Variants in UBE3A observed in about 807,000 individuals in gnomAD.
The protein encoded by UBE3A is ubiquitin protein ligase E3A.
In UBE3A, 6 loss-of-function variants were observed where a neutral mutation model predicts 83.4. The observed-to-expected ratio is 0.07, with a 90% CI of 0.04 to 0.14. The LOEUF (loss-of-function observed/expected upper bound fraction) is 0.14. Among genes scored for constraint, UBE3A ranks in the 10% least tolerant of loss-of-function variants. The pLI, the probability that UBE3A is intolerant of heterozygous loss-of-function variation, is 1.00. For synonymous variants in UBE3A, 337 were observed against 355.4 expected (o/e 0.95, Z 0.58); for missense variants, 456 against 1,036.1 (o/e 0.44, Z 7.69).
chr15:25,376,512 T>G (rs937815527), intron 4 of UBE3A, among the ~76,000 whole-genome samples: 1 of 151,926 alleles, frequency 6.6e-6, no homozygotes, highest in African/African-American at 2.4e-5. Context: ...TAGCCAAGTG[T>G]GGTGGCATGC....
intron 1 of UBE3A, among the ~76,000 whole-genome samples, chr15:25,424,157 A>G (rs2153164288): frequency 6.6e-6 from 1 of 152,218 alleles, no homozygotes; most frequent in African/African-American, 2.4e-5. Context: ...TTATGATCAA[A>G]ATATCTGTAC....
At chr15:25,419,822 T>C (rs992142048) in intron 1 of UBE3A, among the ~76,000 whole-genome samples, 1 of 152,006 alleles carries the variant, frequency 6.6e-6, no homozygotes, top group African/African-American at 2.4e-5. Flanking sequence ...AGGAATAATA[T>C]TTTTGAAGGT....
intron 2 of UBE3A, among the ~76,000 whole-genome samples, chr15:25,411,350 G>T (rs984538588): frequency 6.6e-6 from 1 of 152,246 alleles, no homozygotes; most frequent in African/African-American, 2.4e-5. Flanking sequence ...AGCACTTTGG[G>T]AGGCCAAGGC....
In UBE3A at chr15:25,398,816, A is replaced by ATATATATATATAT. The variant is rs1567069211; in HGVS notation, c.62+6644_62+6645insATATATATATATA. On this transcript the variant is annotated intron_variant, in intron 4 of 12. Coordinates refer to ENST00000648336, the MANE Select transcript of UBE3A (RefSeq NM_130839.5). ...ATATATATATATATATATATATATA[A>ATATATATATATAT]AAATACATATATATCCAAGTGTGAC... 8.2e-3 allele frequency among the ~76,000 whole-genome samples: 331 copies of ATATATATATATAT among 40,580 alleles called. 13 individuals carry two copies. The highest frequency in any genetic ancestry group is 0.014 in the South Asian group (11 of 784). 26.6% of individuals were successfully genotyped at this position (40,580 alleles called of 152,430 possible).
chr15:25,402,676 C>T (rs922579162), intron 4 of UBE3A, among the ~76,000 whole-genome samples: 8 of 152,196 alleles, frequency 5.3e-5, no homozygotes, highest in Non-Finnish European at 7.3e-5. Flanking sequence ...GTACACTTCC[C>T]CTCCTTCCCC....
intron 1 of UBE3A, among the ~76,000 whole-genome samples, chr15:25,414,515 T>C (rs1265159625): frequency 1.3e-5 from 2 of 152,154 alleles, no homozygotes; most frequent in African/African-American, 2.4e-5. Flanking sequence ...AGTTGTGTAC[T>C]GTAATAAAAA....
chr15:25,339,103 T>C lies in UBE3A; in HGVS notation c.*34A>G. On this transcript the variant is annotated 3_prime_UTR_variant, in exon 13 of 13. Coordinates refer to ENST00000648336, the MANE Select transcript of UBE3A (RefSeq NM_130839.5). ...TTTAAATTTTTTCTTTTTTTTTCCT[T>C]CCTTTTTTTTGTTTTATTTTGTTTT... is the stretch of plus-strand genomic sequence containing the variant. 1 of 1,472,240 alleles carries C rather than the reference T, an allele frequency of 6.8e-7. No homozygotes were observed. Among genetic ancestry groups the C allele is most frequent in the South Asian group, 1.3e-5 (1 of 74,604 alleles). 91.2% of individuals were successfully genotyped at this position (1,472,240 alleles called of 1,614,324 possible).
chr15:25,377,865 C>T (rs1274845340), intron 4 of UBE3A, among the ~76,000 whole-genome samples: 1 of 152,178 alleles, frequency 6.6e-6, no homozygotes, highest in Non-Finnish European at 1.5e-5. Context: ...ACTGCCTAGT[C>T]TTCCTGATAT....
At chr15:25,396,821 A>C (rs2085687276) in intron 4 of UBE3A, among the ~76,000 whole-genome samples, 1 of 152,178 alleles carries the variant, frequency 6.6e-6, no homozygotes, top group Non-Finnish European at 1.5e-5. Flanking sequence ...ACATCCTAGG[A>C]AATTGGCAAC....
At chr15:25,372,945 T>C (rs774024997) in intron 5 of UBE3A, among the ~76,000 whole-genome samples, 4 of 152,190 alleles carry the variant, frequency 2.6e-5, no homozygotes, top group African/African-American at 7.2e-5. Flanking sequence ...TAAGTGATCA[T>C]TGAATGGTCT....
At chr15:25,430,858 C>G (rs958516572) in intron 1 of UBE3A, among the ~76,000 whole-genome samples, 11 of 152,112 alleles carry the variant, frequency 7.2e-5, no homozygotes, top group African/African-American at 2.7e-4. Flanking sequence ...TAAATTCACT[C>G]CCCCAGCCTT....
intron 4 of UBE3A, among the ~76,000 whole-genome samples, chr15:25,389,644 T>C (rs1225425565): frequency 6.6e-6 from 1 of 152,098 alleles, no homozygotes; most frequent in Non-Finnish European, 1.5e-5. Context: ...TCCCAGCACT[T>C]TGGGAGGCCA....
intron 3 of UBE3A, chr15:25,408,609 T>C: frequency 6.2e-7 from 1 of 1,613,900 alleles, no homozygotes. Context: ...CAAATTCAAA[T>C]GGTGGCTCAC....
chr15:25,390,222 T>C (rs1347759087), intron 4 of UBE3A, among the ~76,000 whole-genome samples: 3 of 152,214 alleles, frequency 2.0e-5, no homozygotes, highest in Admixed American at 6.5e-5. Flanking sequence ...AGCGTCATAT[T>C]AGAAGACAGT....
chr15:25,408,686 T>C lies in UBE3A; in HGVS notation c.20+402A>G, dbSNP rs750472782. 6.9e-6 allele frequency: 11 copies of C among 1,603,134 alleles called. No homozygotes were observed. The highest frequency in any genetic ancestry group is 6.7e-5 in the East Asian group (3 of 44,750). On this transcript the variant is annotated intron_variant, in intron 3 of 12. Transcript: ENST00000648336. ...TCCTTTTACCTCCACTGTAACTCTC[T>C]AGGAGAGAAAAGTATACTAGTTTTA...
At chr15:25,385,140 A>G (rs2082882369) in intron 4 of UBE3A, among the ~76,000 whole-genome samples, 1 of 152,240 alleles carries the variant, frequency 6.6e-6, no homozygotes, top group Non-Finnish European at 1.5e-5. Flanking sequence ...TCTACAAAGC[A>G]AACAGTAAAT....
intron 1 of UBE3A, among the ~76,000 whole-genome samples, chr15:25,415,301 C>A (rs768908625): frequency 3.9e-5 from 6 of 152,162 alleles, no homozygotes; most frequent in Non-Finnish European, 7.4e-5. Context: ...CTTTCTCATG[C>A]CAACAGAATA....
chr15:25,434,775 T>C (rs966697236), intron 1 of UBE3A, among the ~76,000 whole-genome samples: 1 of 152,130 alleles, frequency 6.6e-6, no homozygotes, highest in African/African-American at 2.4e-5. Context: ...TGGGTGACTT[T>C]AAGAAAATCA....
intron 4 of UBE3A, among the ~76,000 whole-genome samples, chr15:25,380,769 G>C (rs2082046258): frequency 6.6e-6 from 1 of 152,072 alleles, no homozygotes; most frequent in Admixed American, 6.5e-5. Flanking sequence ...AAAAAACAAA[G>C]TATGTTATAA....
Sources: gnomAD v4.1 joint callset for allele counts (sites outside exome capture counted in the v4.1 genomes callset) on GRCh38, gnomAD v4.1.1 for gene constraint, MANE v1.5 for transcripts, NCBI Gene and HGNC (gene_info 2026-07-23, HGNC 2026-07-21) for gene names.